Variants in CCDC69 observed in about 807,000 individuals in gnomAD.
CCDC69 encodes the protein coiled-coil domain-containing protein 69.
CCDC69 carries 38 observed loss-of-function variants against 40.3 expected under a neutral mutation model. The observed-to-expected ratio is 0.94, with a 90% CI of 0.73 to 1.24. The LOEUF is 1.24. Among genes scored for constraint, CCDC69 ranks in the 50% most tolerant of loss-of-function variants. The pLI is 0.00. For missense variants in CCDC69, 389 were observed against 357.9 expected, an observed-to-expected ratio of 1.09 and a Z score of -0.70; for synonymous variants, 141 against 138.9, an observed-to-expected ratio of 1.02 and a Z score of -0.11.
chr5:151,213,929 G>A (rs2114002330), intron 1 of CCDC69, among the ~76,000 whole-genome samples: 1 of 152,334 alleles, frequency 6.6e-6, no homozygotes, highest in Admixed American at 6.5e-5. Context: ...TCCTGGCTGA[G>A]GAAGGCTTAC....
At chr5:151,187,101 C>T (rs1752531799) in intron 5 of CCDC69, among the ~76,000 whole-genome samples, 1 of 152,214 alleles carries the variant, frequency 6.6e-6, no homozygotes, top group African/African-American at 2.4e-5. Context: ...GGTCCCTGTG[C>T]ATCCACCCAT....
Position 151,183,128 on chromosome 5 carries a change from A to C in CCDC69, c.*309T>G, listed in dbSNP as rs1022748646. 7.7e-6 allele frequency: 4 copies of C among 520,332 alleles called. No homozygotes were observed. In the African/African-American group the frequency reaches 8.3e-5, roughly 11 times the overall value. The allele number at this position is 520,332 out of a possible 1,614,324, so 32.2% of individuals were successfully genotyped here. A position where few individuals can be genotyped will look rare whatever the true frequency, so the allele number is the denominator to read the frequency against. On this transcript the variant is annotated 3_prime_UTR_variant, in exon 9 of 9. Coordinates refer to ENST00000355417, the MANE Select transcript of CCDC69 (RefSeq NM_015621.3). The stretch of plus-strand genomic sequence containing the variant: ...ATGTCAAATGGCCAGCGTGACACAG[A>C]CTGCCCCTGGGAAAGCCTCGGAACT...
rs549435759 is a variant in CCDC69 at position 151,184,366 on chromosome 5, G to T, written c.691C>A (p.Arg231Ser). The change falls in exon 8 of 9, where the codon CGC (arginine) becomes AGC (serine). Residue 231 changes from arginine to serine, a missense_variant. Coordinates refer to ENST00000355417, the MANE Select transcript of CCDC69 (RefSeq NM_015621.3). ...QENEDLHVRS[R>S]NQVVLSRQLS... Reference sequence around the variant, plus strand: ...TACCTTGACAGGACCACCTGGTTGCGGCTTCGGACATGGAGGTCCTCATTT... The same window carrying T: ...TACCTTGACAGGACCACCTGGTTGCTGCTTCGGACATGGAGGTCCTCATTT... 1 of 1,613,944 alleles carries T rather than the reference G, an allele frequency of 6.2e-7. No homozygotes were observed. The highest frequency in any genetic ancestry group is 8.5e-7 in the Non-Finnish European group (1 of 1,179,906).
chr5:151,223,933 G>T lies in CCDC69; in HGVS notation c.38C>A (p.Pro13His), dbSNP rs1391542017. 1.3e-6 allele frequency: 2 copies of T among 1,581,534 alleles called. No homozygotes were observed. The highest frequency in any genetic ancestry group is 2.3e-5 in the South Asian group (2 of 88,726). ...GCCGGCGCCCTTTACCTTTTTCGGGGGTTTGCAGCTGCTCAGCCTGCTGTG... is the reference window on the plus strand; with the variant it reads ...GCCGGCGCCCTTTACCTTTTTCGGGTGTTTGCAGCTGCTCAGCCTGCTGTG... ...CRHSRLSSCK[P>H]PKKKRQEPEP... Residue 13 changes from proline (P) to histidine (H), a missense_variant, in exon 1 of 9, where the codon CCC becomes CAC. Pro to His is a moderately conservative substitution (Grantham distance 77, BLOSUM62 -2). Coordinates refer to ENST00000355417, the MANE Select transcript of CCDC69 (RefSeq NM_015621.3).
intron 4 of CCDC69, among the ~76,000 whole-genome samples, chr5:151,198,297 T>C (rs1488770302): frequency 7.5e-5 from 9 of 119,678 alleles, no homozygotes; most frequent in African/African-American, 2.6e-4. Flanking sequence ...GATTGATCTA[T>C]CTATCTATCT....
chr5:151,190,443 A>G (rs1016830993), intron 4 of CCDC69, among the ~76,000 whole-genome samples: 1 of 152,128 alleles, frequency 6.6e-6, no homozygotes, highest in East Asian at 1.9e-4. Flanking sequence ...AGGTGGGTGG[A>G]TCATCTGAGG....
chr5:151,213,109 C>A (rs575695021), intron 1 of CCDC69, among the ~76,000 whole-genome samples: 2 of 152,276 alleles, frequency 1.3e-5, no homozygotes, highest in African/African-American at 2.4e-5. Flanking sequence ...TACTACATGG[C>A]ATGTAAAGAC....
chr5:151,194,084 C>T (rs10074980), intron 4 of CCDC69, among the ~76,000 whole-genome samples: 17,447 of 152,244 alleles, frequency 0.11, 1,173 homozygotes, highest in African/African-American at 0.18. Flanking sequence ...GAAGTAGCAA[C>T]GGTATAACTC....
At chr5:151,207,509 T>C (rs1394858024) in intron 1 of CCDC69, among the ~76,000 whole-genome samples, 1 of 151,680 alleles carries the variant, frequency 6.6e-6, no homozygotes, top group Non-Finnish European at 1.5e-5. Flanking sequence ...GCCAGGATGG[T>C]CTCGATCTCC....
intron 8 of CCDC69, 108 bp from the exon 9 acceptor site, chr5:151,183,722 G>T: frequency 2.1e-6 from 2 of 951,980 alleles, no homozygotes; most frequent in Non-Finnish European, 3.1e-6. Context: ...CCTGCTGCAG[G>T]GTCCCCACTG....
At chr5:151,200,546 A>G (rs1459003788) in intron 3 of CCDC69, among the ~76,000 whole-genome samples, 1 of 152,252 alleles carries the variant, frequency 6.6e-6, no homozygotes, top group East Asian at 1.9e-4. Flanking sequence ...GTACACCACC[A>G]AATCTTTCCT....
intron 4 of CCDC69, among the ~76,000 whole-genome samples, chr5:151,190,295 T>C (rs1752590327): frequency 6.6e-6 from 1 of 152,132 alleles, no homozygotes; most frequent in African/African-American, 2.4e-5. Context: ...ATACATGAGA[T>C]AAATGTAACA....
chr5:151,195,277 A>T (rs934395081), intron 4 of CCDC69, among the ~76,000 whole-genome samples: 3 of 152,234 alleles, frequency 2.0e-5, no homozygotes, highest in African/African-American at 7.2e-5. Context: ...AACGCTAAAA[A>T]TAATATCAAA....
intron 4 of CCDC69, among the ~76,000 whole-genome samples, chr5:151,193,936 A>G (rs922870277): frequency 6.6e-6 from 1 of 152,234 alleles, no homozygotes; most frequent in Non-Finnish European, 1.5e-5. Flanking sequence ...CTGAACACAC[A>G]TTTGACCAAA....
intron 3 of CCDC69, among the ~76,000 whole-genome samples, chr5:151,201,266 A>C (rs909043156): frequency 6.6e-6 from 1 of 152,214 alleles, no homozygotes; most frequent in Non-Finnish European, 1.5e-5. Context: ...AGCCAGAACG[A>C]GTTCCGTGGT....
chr5:151,201,854 G>A (rs1752781119), intron 2 of CCDC69, among the ~76,000 whole-genome samples, 166 bp from the exon 3 acceptor site: 1 of 152,162 alleles, frequency 6.6e-6, no homozygotes, highest in African/African-American at 2.4e-5. Context: ...AGCCCCTCGA[G>A]TCTCTTTGGA....
At chr5:151,208,088 T>A (rs879652262) in intron 1 of CCDC69, among the ~76,000 whole-genome samples, 2 of 151,896 alleles carry the variant, frequency 1.3e-5, no homozygotes, top group Non-Finnish European at 2.9e-5. Flanking sequence ...CCCTCTCTAA[T>A]AAAAATACAA....
intron 1 of CCDC69, among the ~76,000 whole-genome samples, chr5:151,217,620 G>C (rs1753068310): frequency 6.6e-6 from 1 of 152,168 alleles, no homozygotes; most frequent in Non-Finnish European, 1.5e-5. Context: ...CTCTCTCCCA[G>C]ATCCTGGTGG....
rs1753179959 is a variant in CCDC69, at chr5:151,224,069, G to C, written c.-99C>G. On this transcript the variant is annotated 5_prime_UTR_variant, in exon 1 of 9. Transcript: ENST00000355417. ...TGCCCGCTCCGCGCCCGCCGGCTGG[G>C]GCTGCCGGCGAGACCCTGAAACTGA... is the stretch of plus-strand genomic sequence containing the variant. 3.6e-6 allele frequency: 4 copies of C among 1,096,278 alleles called. No individual in the cohort carries two copies. The highest frequency in any genetic ancestry group is 5.0e-6 in the Non-Finnish European group (4 of 793,480). The allele number at this position is 1,096,278 out of a possible 1,614,324, so 67.9% of individuals were successfully genotyped here. A position where few individuals can be genotyped will look rare whatever the true frequency, so the allele number is the denominator to read the frequency against.
Sources: allele counts gnomAD v4.1 joint callset (sites outside exome capture counted in the v4.1 genomes callset), GRCh38; gene constraint gnomAD v4.1.1; transcripts MANE v1.5; gene names NCBI Gene and HGNC (gene_info 2026-07-23, HGNC 2026-07-21).